ZBTB43: variants seen among roughly 807,000 people sequenced by gnomAD.
ZBTB43 encodes the protein zinc finger and BTB domain-containing protein 43.
In ZBTB43, 6 loss-of-function variants were observed where a neutral mutation model predicts 31.1. The ratio of observed to expected loss-of-function variants is 0.19; its 90% CI spans 0.11 to 0.38. The LOEUF is 0.38. Ranked by LOEUF, ZBTB43 falls within the 10% of genes least tolerant of loss-of-function variation. The probability of loss-of-function intolerance (pLI) is 1.00; values close to 1 mark genes in which losing one functional copy is unlikely to be tolerated. For synonymous variants in ZBTB43, 212 were observed against 221.7 expected, an observed-to-expected ratio of 0.96 and a Z score of 0.39; for missense variants, 379 against 602.1, an observed-to-expected ratio of 0.63 and a Z score of 3.88.
intron 2 of ZBTB43, among the ~76,000 whole-genome samples, chr9:126,817,164 G>A (rs1199813298): frequency 2.2e-5 from 3 of 134,604 alleles, no homozygotes. Context: ...AGGCTGGAGT[G>A]CAGTGGTGGC....
At position 126,836,557 on chromosome 9, in the gene ZBTB43, GTTTTTACCT is replaced by G. The variant is rs1223450214; in HGVS notation, c.*2650_*2658del. On this transcript the variant is annotated 3_prime_UTR_variant, in exon 3 of 3. Transcript: ENST00000373464. ...TAAAAGTGAATTTTTGTAAACTCTGGTTTTTACCTTTTTTTCATCCCCACGTTGAGTTGG... is the reference window on the plus strand; with the variant it reads ...TAAAAGTGAATTTTTGTAAACTCTGGTTTTTTCATCCCCACGTTGAGTTGG... The G allele has an allele frequency of 6.0e-6, 1 of 166,992 alleles. No individual in the cohort carries two copies. The highest frequency in any genetic ancestry group is 1.5e-5 in the Non-Finnish European group (1 of 68,104). 10.3% of individuals were successfully genotyped at this position (166,992 alleles called of 1,614,324 possible).
chr9:126,807,306 C>T (rs987611810), intron 1 of ZBTB43, among the ~76,000 whole-genome samples: 2 of 150,338 alleles, frequency 1.3e-5, no homozygotes, highest in African/African-American at 4.8e-5. Context: ...GTATCAATGC[C>T]TATTCTAATG....
At chr9:126,831,396 C>T (rs1242446282) in intron 2 of ZBTB43, 1 of 152,216 alleles carries the variant, frequency 6.6e-6, no homozygotes, top group African/African-American at 2.4e-5. Context: ...CCCAGCTACA[C>T]AAGAGGCTGA....
chr9:126,833,049 C>T lies in ZBTB43; in HGVS notation c.540C>T (p.Ser180=), dbSNP rs965727761. 2 of 1,613,884 alleles carry T rather than the reference C, an allele frequency of 1.2e-6. No individual in the cohort carries two copies. The highest frequency in any genetic ancestry group is 2.7e-5 in the African/African-American group (2 of 74,916). Residue 180 remains serine, a synonymous_variant, in exon 3 of 3, where the codon AGC becomes AGT. Coordinates refer to ENST00000373464, the MANE Select transcript of ZBTB43 (RefSeq NM_014007.4). The surrounding 1 kb of genome is among the most constrained non-coding windows in gnomAD (Gnocchi z 7.9). ...GAGATGGTGAAAATGAAGAGGAGAG[C>T]ACCAAAGACGAGCTGTCATCCCAGC... is the stretch of plus-strand genomic sequence containing the variant. ...ELRDGENEEE[S]TKDELSSQLT... is the part of the protein sequence containing the mutation.
At position 126,834,295 on chromosome 9, in the gene ZBTB43, AT is replaced by A. The variant is rs1228863007; in HGVS notation, c.*386del. On this transcript the variant is annotated 3_prime_UTR_variant, in exon 3 of 3. Coordinates refer to ENST00000373464, the MANE Select transcript of ZBTB43 (RefSeq NM_014007.4). ...TATTACAAGGTCATGCTGAAATTTTATTTTGCTCTTGCTATAGATACTTAGG... is the reference window on the plus strand; with the variant it reads ...TATTACAAGGTCATGCTGAAATTTTATTTGCTCTTGCTATAGATACTTAGG... 2 of 181,738 alleles carry A rather than the reference AT, an allele frequency of 1.1e-5. No individual in the cohort carries two copies. Among genetic ancestry groups the A allele is most frequent in the African/African-American group, 4.8e-5 (2 of 42,064 alleles). The allele number at this position is 181,738 out of a possible 1,614,324, so 11.3% of individuals were successfully genotyped here. A position where few individuals can be genotyped will look rare whatever the true frequency, so the allele number is the denominator to read the frequency against.
intron 2 of ZBTB43, among the ~76,000 whole-genome samples, chr9:126,829,056 T>G (rs1163976663): frequency 6.6e-6 from 1 of 152,218 alleles, no homozygotes; most frequent in African/African-American, 2.4e-5. Flanking sequence ...ATATCCAGTC[T>G]TGTAAGAGTG....
intron 2 of ZBTB43, among the ~76,000 whole-genome samples, chr9:126,810,495 C>CT (rs1163411798): frequency 0.59 from 43,263 of 73,504 alleles, 15,019 homozygotes; most frequent in Non-Finnish European, 0.74. Flanking sequence ...GCCCAGCCGT[C>CT]TTTTTTTTTT....
chr9:126,810,677 G>A (rs2032227616), intron 2 of ZBTB43, among the ~76,000 whole-genome samples: 1 of 150,042 alleles, frequency 6.7e-6, no homozygotes, highest in South Asian at 2.1e-4. Flanking sequence ...ATTTTTTTTT[G>A]TACTTTTAGT....
Position 126,832,943 on chromosome 9 carries a change from G to A in ZBTB43, c.434G>A (p.Ser145Asn). 6.2e-7 allele frequency: 1 copy of A among 1,613,844 alleles called. No homozygotes were observed. The highest frequency in any genetic ancestry group is 8.5e-7 in the Non-Finnish European group (1 of 1,180,030). ...GGCAGTGACCACCAGTCACCAAGCA[G>A]CAGTAGTTATAATGGCCTGGTAGAG... ...NHGSDHQSPS[S>N]SSYNGLVESF... Residue 145 changes from serine to asparagine, a missense_variant, in exon 3 of 3, where the codon AGC (serine) becomes AAC (asparagine). Around this residue, in one of 5 missense-constraint regions of ZBTB43, gnomAD observed 253 missense variants for 322.3 expected, o/e 0.79. Transcript: ENST00000373464.
rs3837241 is a variant in ZBTB43, at chr9:126,837,103, C to CAA, written c.*3205_*3206dup. The stretch of plus-strand genomic sequence containing the variant: ...TGCGCGACAGATCGAGACTCTGTCT[C>CAA]AAAAAAAAAAAAAAAATTCATACTT... On this transcript the variant is annotated 3_prime_UTR_variant, in exon 3 of 3. Coordinates refer to ENST00000373464, the MANE Select transcript of ZBTB43 (RefSeq NM_014007.4). The CAA allele has an allele frequency of 2.5e-3, 324 of 129,932 alleles. 3 individuals carry two copies. The highest frequency in any genetic ancestry group is 7.2e-3 in the African/African-American group (232 of 32,056). The allele number at this position is 129,932 out of a possible 1,614,324, so 8.0% of individuals were successfully genotyped here. A position where few individuals can be genotyped will look rare whatever the true frequency, so the allele number is the denominator to read the frequency against.
chr9:126,835,828 T>A lies in ZBTB43; in HGVS notation c.*1915T>A, dbSNP rs1274176904. 6.0e-6 allele frequency: 1 copy of A among 166,994 alleles called. No homozygotes were observed. The highest frequency in any genetic ancestry group is 1.5e-5 in the Non-Finnish European group (1 of 68,124). The allele number at this position is 166,994 out of a possible 1,614,324, so 10.3% of individuals were successfully genotyped here. A position where few individuals can be genotyped will look rare whatever the true frequency, so the allele number is the denominator to read the frequency against. On this transcript the variant is annotated 3_prime_UTR_variant, in exon 3 of 3. Transcript: ENST00000373464. ...GAAACGTTACTGGTTAGCAGTCTTT[T>A]CTCTGTGTACCTGACACACGTATAC...
At chr9:126,824,996 G>C (rs1056060345) in intron 2 of ZBTB43, among the ~76,000 whole-genome samples, 2 of 152,178 alleles carry the variant, frequency 1.3e-5, no homozygotes, top group Admixed American at 6.5e-5. Flanking sequence ...CTAGGCTGGA[G>C]TATAGTGATG....
chr9:126,808,239 G>T (rs1265412718), intron 1 of ZBTB43, among the ~76,000 whole-genome samples: 1 of 152,276 alleles, frequency 6.6e-6, no homozygotes, highest in South Asian at 2.1e-4. Flanking sequence ...CAGAGAGTTT[G>T]CTGTAATAGA....
intron 1 of ZBTB43, among the ~76,000 whole-genome samples, chr9:126,806,746 AAC>A (rs1255668501): frequency 6.6e-6 from 1 of 152,194 alleles, no homozygotes; most frequent in Non-Finnish European, 1.5e-5. Context: ...AGTTGTTAGG[AAC>A]ACAGTTGAAC....
In ZBTB43 at chr9:126,824,173, C is replaced by T. The variant is rs138538631; in HGVS notation, c.-23-8314C>T. ...TCCCAAGTAACTGGGATTACAGGTGCGCACCACCACGCCTGGCTAATTTTT... is the reference window on the plus strand; with the variant it reads ...TCCCAAGTAACTGGGATTACAGGTGTGCACCACCACGCCTGGCTAATTTTT... On this transcript the variant is annotated intron_variant, in intron 2 of 2. Coordinates refer to ENST00000373464, the MANE Select transcript of ZBTB43 (RefSeq NM_014007.4). Among the ~76,000 whole-genome samples, 427 of 152,146 alleles carry T rather than the reference C, an allele frequency of 2.8e-3. 4 individuals carry two copies. In the East Asian group the frequency reaches 0.05, roughly 18 times the overall value.
intron 2 of ZBTB43, among the ~76,000 whole-genome samples, chr9:126,827,553 C>T (rs1317005155): frequency 2.0e-5 from 3 of 152,314 alleles, no homozygotes; most frequent in Admixed American, 6.5e-5. Flanking sequence ...TGATCCGCTT[C>T]CAGAGGCCTG....
intron 2 of ZBTB43, among the ~76,000 whole-genome samples, chr9:126,815,198 T>G (rs2032348563): frequency 6.8e-6 from 1 of 147,890 alleles, no homozygotes; most frequent in Non-Finnish European, 1.5e-5. Flanking sequence ...ATATATATAG[T>G]TTTCAATATA....
rs966252807 is a variant in ZBTB43 at position 126,834,723 on chromosome 9, G to A, written c.*810G>A. 3 of 167,006 alleles carry A rather than the reference G, an allele frequency of 1.8e-5. No individual in the cohort carries two copies. The highest frequency in any genetic ancestry group is 7.2e-5 in the African/African-American group (3 of 41,446). The allele number at this position is 167,006 out of a possible 1,614,324, so 10.3% of individuals were successfully genotyped here. The stretch of plus-strand genomic sequence containing the variant: ...TTTCCCAAATCCTGTTTGGTTAATT[G>A]TAGCCTCCATACAGTGGGGTCTTCT... On this transcript the variant is annotated 3_prime_UTR_variant, in exon 3 of 3. Transcript: ENST00000373464.
chr9:126,835,730 TG>T lies in ZBTB43; in HGVS notation c.*1818del, dbSNP rs1035407455. 6.6e-5 allele frequency: 11 copies of T among 165,960 alleles called. No homozygotes were observed. The highest frequency in any genetic ancestry group is 1.3e-4 in the Admixed American group (2 of 15,238). The allele number at this position is 165,960 out of a possible 1,614,324, so 10.3% of individuals were successfully genotyped here. A position where few individuals can be genotyped will look rare whatever the true frequency, so the allele number is the denominator to read the frequency against. On this transcript the variant is annotated 3_prime_UTR_variant, in exon 3 of 3. Coordinates refer to ENST00000373464, the MANE Select transcript of ZBTB43 (RefSeq NM_014007.4). ...CTTTATTATAAATATATATATATAT[TG>T]TTTTTTTTTAAACCTAGAAACTAGA...
Sources: gnomAD v4.1 joint callset for allele counts (sites outside exome capture counted in the v4.1 genomes callset) on GRCh38, gnomAD v4.1.1 for gene constraint, gnomAD v4.1.1 regional missense constraint, Gnocchi (gnomAD v3.1) non-coding constraint, MANE v1.5 for transcripts, NCBI Gene and HGNC (gene_info 2026-07-23, HGNC 2026-07-21) for gene names.